Variants in TMEM132D observed in about 807,000 individuals in gnomAD.
TMEM132D encodes mature OL transmembrane protein.
TMEM132D carries 21 observed loss-of-function variants against 62.3 expected under a neutral mutation model. The ratio of observed to expected loss-of-function variants is 0.34; its 90% CI spans 0.24 to 0.49. The LOEUF (loss-of-function observed/expected upper bound fraction) is 0.49. Ranked by LOEUF, TMEM132D falls within the 20% of genes least tolerant of loss-of-function variation. TMEM132D has a pLI of 0.99. For missense variants in TMEM132D, 1,346 were observed against 1,402.8 expected (o/e 0.96, Z 0.65); for synonymous variants, 621 against 575.6 (o/e 1.08, Z -1.13).
intron 1 of TMEM132D, among the ~76,000 whole-genome samples, chr12:129,738,664 A>G (rs893763689): frequency 1.3e-5 from 2 of 152,186 alleles, no homozygotes; most frequent in Non-Finnish European, 2.9e-5. Context: ...TGAATGATTC[A>G]GTCAGACCCA....
chr12:129,389,450 A>G (rs923394350), intron 3 of TMEM132D, among the ~76,000 whole-genome samples: 1 of 152,052 alleles, frequency 6.6e-6, no homozygotes, highest in Admixed American at 6.5e-5. Flanking sequence ...CCAATCTAAT[A>G]CTAACACTAA....
chr12:129,273,717 G>A lies in TMEM132D; in HGVS notation c.1299+63917C>T, dbSNP rs115307895. The stretch of plus-strand genomic sequence containing the variant: ...CATTTATAAGCGGGAGCTAATCGCC[G>A]GGTGCCCATGGACATAAAGATGGGA... On this transcript the variant is annotated intron_variant, in intron 4 of 8. Transcript: ENST00000422113. Among the ~76,000 whole-genome samples the A allele has an allele frequency of 9.2e-3, 1,390 of 151,788 alleles. 44 individuals are homozygous for A. The highest frequency in any genetic ancestry group is 0.029 in the African/African-American group (1,176 of 41,110).
intron 5 of TMEM132D, among the ~76,000 whole-genome samples, chr12:129,137,191 AATCACCATCATC>A (rs1360995788): frequency 5.7e-5 from 8 of 139,222 alleles, no homozygotes; most frequent in Middle Eastern, 4.0e-3. Context: ...CCATCATCAC[AATCACCATCATC>A]ATCACCATCA....
At chr12:129,459,148 T>C (rs1034036394) in intron 3 of TMEM132D, among the ~76,000 whole-genome samples, 1 of 152,126 alleles carries the variant, frequency 6.6e-6, no homozygotes, top group African/African-American at 2.4e-5. Context: ...GGTGAGACCC[T>C]GCTTGACTAA....
chr12:129,186,888 A>C (rs1184845065), intron 5 of TMEM132D, among the ~76,000 whole-genome samples: 9 of 152,250 alleles, frequency 5.9e-5, no homozygotes, highest in African/African-American at 2.2e-4. Flanking sequence ...AAATTTAAAA[A>C]ACCTAAGTAA....
intron 3 of TMEM132D, among the ~76,000 whole-genome samples, chr12:129,468,005 A>G (rs1157424562): frequency 6.6e-6 from 1 of 152,344 alleles, no homozygotes; most frequent in African/African-American, 2.4e-5. Context: ...TGTGCTGAGA[A>G]GAGCACACAC....
intron 3 of TMEM132D, among the ~76,000 whole-genome samples, chr12:129,468,184 T>TG (rs1873974523): frequency 3.8e-5 from 3 of 78,072 alleles, no homozygotes; most frequent in East Asian, 6.6e-4. Context: ...TACACAAAGC[T>TG]TTGTGTGTGT....
chr12:129,789,602 G>T (rs1871344183), intron 1 of TMEM132D, among the ~76,000 whole-genome samples: 1 of 152,178 alleles, frequency 6.6e-6, no homozygotes, highest in African/African-American at 2.4e-5. Flanking sequence ...GATTTTCATT[G>T]CTGATCAGAG....
chr12:129,273,987 G>A (rs1880933454), intron 4 of TMEM132D, among the ~76,000 whole-genome samples: 1 of 151,564 alleles, frequency 6.6e-6, no homozygotes, highest in Non-Finnish European at 1.5e-5. Flanking sequence ...GCTGCTTGTA[G>A]GTATGTGAAA....
At chr12:129,604,241 G>A (rs947139576) in intron 2 of TMEM132D, among the ~76,000 whole-genome samples, 1 of 152,058 alleles carries the variant, frequency 6.6e-6, no homozygotes. Flanking sequence ...CCCAGATGAT[G>A]GGTTGATAGG....
At chr12:129,170,413 T>G (rs928169038) in intron 5 of TMEM132D, among the ~76,000 whole-genome samples, 1 of 152,098 alleles carries the variant, frequency 6.6e-6, no homozygotes, top group Non-Finnish European at 1.5e-5. Context: ...ATAAAGAGAG[T>G]TACAGGAATT....
intron 4 of TMEM132D, among the ~76,000 whole-genome samples, chr12:129,278,956 C>T (rs533438254): frequency 5.4e-4 from 82 of 152,262 alleles, no homozygotes; most frequent in African/African-American, 1.9e-3. Context: ...ATTATAAGGA[C>T]TGAGTGGAGG....
At position 129,827,099 on chromosome 12, in the gene TMEM132D, A is replaced by G. The variant is rs1402607196; in HGVS notation, c.79+76162T>C. On this transcript the variant is annotated intron_variant, in intron 1 of 8. Transcript: ENST00000422113. The surrounding 1 kb of genome is among the most constrained non-coding windows in gnomAD (Gnocchi z 9.7). ...AGTGATCATTATTTGGTGGTTCAGA[A>G]GGCAATTTAACATCTCATAACAATC... Among the ~76,000 whole-genome samples the G allele has an allele frequency of 6.6e-6, 1 of 152,230 alleles. No homozygotes were observed. The highest frequency in any genetic ancestry group is 2.4e-5 in the African/African-American group (1 of 41,464).
At chr12:129,886,817 A>G (rs1861036545) in intron 1 of TMEM132D, among the ~76,000 whole-genome samples, 1 of 152,110 alleles carries the variant, frequency 6.6e-6, no homozygotes, top group Non-Finnish European at 1.5e-5. Flanking sequence ...GGTTACCCCC[A>G]TGCTGCTGTT....
intron 1 of TMEM132D, among the ~76,000 whole-genome samples, chr12:129,847,845 G>A (rs1377372897): frequency 2.0e-5 from 3 of 152,012 alleles, no homozygotes; most frequent in Non-Finnish European, 4.4e-5. Context: ...CACGCAGTGC[G>A]GAACCCCAAG....
At chr12:129,316,834 T>C (rs947888297) in intron 4 of TMEM132D, among the ~76,000 whole-genome samples, 1 of 152,166 alleles carries the variant, frequency 6.6e-6, no homozygotes, top group African/African-American at 2.4e-5. Context: ...GCTCCAGTGT[T>C]AGGTGCATAT....
intron 3 of TMEM132D, among the ~76,000 whole-genome samples, chr12:129,515,893 G>A (rs1175273208): frequency 2.0e-5 from 3 of 152,072 alleles, no homozygotes; most frequent in Admixed American, 2.0e-4. Context: ...GTAAAACCTT[G>A]GTTAAATAAA....
In TMEM132D at chr12:129,582,925, G is replaced by A. The variant is rs1024812026; in HGVS notation, c.969-51720C>T. ...TAGGCATTAGCCACCACGTCCAGCCGAGTTTGTTTTTTGTTTTGTTTTGGA... is the reference window on the plus strand; with the variant it reads ...TAGGCATTAGCCACCACGTCCAGCCAAGTTTGTTTTTTGTTTTGTTTTGGA... On this transcript the variant is annotated intron_variant, in intron 2 of 8. Transcript: ENST00000422113. 6.8e-5 allele frequency among the ~76,000 whole-genome samples: 10 copies of A among 147,600 alleles called. No individual in the cohort carries two copies. The East Asian group carries it at 8.0e-4, about 12-fold the overall frequency.
intron 2 of TMEM132D, among the ~76,000 whole-genome samples, chr12:129,578,490 T>C (rs984198426): frequency 1.5e-4 from 22 of 151,116 alleles, no homozygotes; most frequent in Non-Finnish European, 2.2e-4. Context: ...AATAAAATTA[T>C]ATATCTATTA....
Sources: gnomAD v4.1 joint callset for allele counts (sites outside exome capture counted in the v4.1 genomes callset) on GRCh38, gnomAD v4.1.1 for gene constraint, Gnocchi (gnomAD v3.1) non-coding constraint, MANE v1.5 for transcripts, NCBI Gene and HGNC (gene_info 2026-07-23, HGNC 2026-07-21) for gene names.